The following HTRA4 variants were observed in gnomAD, a reference collection of about 807,000 sequenced individuals.
HTRA4 encodes the protein serine protease HTRA4.
HTRA4 carries 46 observed loss-of-function variants against 49.1 expected under a neutral mutation model. That is an observed-to-expected ratio of 0.94 (90% confidence interval 0.74 to 1.20). HTRA4 has a LOEUF of 1.20. Among genes scored for constraint, HTRA4 ranks in the 50% most tolerant of loss-of-function variants. The pLI, the probability that HTRA4 is intolerant of heterozygous loss-of-function variation, is 0.00. For synonymous variants in HTRA4, 261 were observed against 264.0 expected, an observed-to-expected ratio of 0.99 and a Z score of 0.11; for missense variants, 602 against 636.9, an observed-to-expected ratio of 0.95 and a Z score of 0.59.
intron 2 of HTRA4, among the ~76,000 whole-genome samples, chr8:38,976,036 T>C (rs1046601471): frequency 3.3e-5 from 5 of 152,216 alleles, no homozygotes; most frequent in African/African-American, 1.2e-4. Context: ...TCACAAGAGA[T>C]GGCTGGGGCC....
At chr8:38,978,202 C>T in intron 4 of HTRA4, 55 bp downstream of exon 4, 1 of 1,475,004 alleles carries the variant, frequency 6.8e-7, no homozygotes, top group Non-Finnish European at 9.2e-7. Context: ...CAGTACAGGT[C>T]CATGGCCTGT....
intron 8 of HTRA4, among the ~76,000 whole-genome samples, chr8:38,984,862 G>A (rs191871150): frequency 6.6e-6 from 1 of 152,282 alleles, no homozygotes; most frequent in African/African-American, 2.4e-5. Context: ...GCTGTAATGA[G>A]CTGTGCTCAT....
intron 8 of HTRA4, among the ~76,000 whole-genome samples, chr8:38,986,790 A>C (rs1036372598): frequency 6.6e-6 from 1 of 152,216 alleles, no homozygotes; most frequent in Non-Finnish European, 1.5e-5. Flanking sequence ...TAGTGGCAAG[A>C]AGATGGGTTC....
chr8:38,981,888 TC>T, intron 6 of HTRA4, 121 bp downstream of exon 6: 1 of 709,288 alleles, frequency 1.4e-6, no homozygotes, highest in Non-Finnish European at 2.4e-6. Context: ...TTGCTCGTCA[TC>T]CAGGTTGGAG....
At position 38,980,329 on chromosome 8, in the gene HTRA4, C is replaced by G. The variant is rs1028852025; in HGVS notation, c.999+1082C>G. ...GTCATTTTTCTTTGTTTTGTTCCTG[C>G]CTTCTCCATTAGACAATGAGTTTAC... On this transcript the variant is annotated intron_variant, in intron 5 of 8. Transcript: ENST00000302495. Among the ~76,000 whole-genome samples the G allele has an allele frequency of 2.0e-5, 3 of 151,426 alleles. No individual in the cohort carries two copies. In the East Asian group the frequency reaches 5.8e-4, roughly 29 times the overall value.
At chr8:38,981,063 G>GTTTTTTTTTTTTTTT (rs71216700) in intron 5 of HTRA4, among the ~76,000 whole-genome samples, 8 of 48,156 alleles carry the variant, frequency 1.7e-4, no homozygotes, top group African/African-American at 3.0e-4. Context: ...ATGAGCTTAA[G>GTTTTTTTTTTTTTTT]TTTTTTTTTT....
intron 8 of HTRA4, among the ~76,000 whole-genome samples, chr8:38,987,350 A>C (rs1201234063): frequency 6.6e-6 from 1 of 152,144 alleles, no homozygotes; most frequent in Non-Finnish European, 1.5e-5. Context: ...TTTGGAGAAA[A>C]GGAGCCTAGA....
intron 5 of HTRA4, among the ~76,000 whole-genome samples, chr8:38,981,131 G>A (rs953146708): frequency 7.4e-6 from 1 of 134,594 alleles, no homozygotes; most frequent in Admixed American, 8.1e-5. Flanking sequence ...CCAGGCCGGA[G>A]TGCAGTGGCG....
At chr8:38,978,339 C>G (rs777939462) in intron 4 of HTRA4, among the ~76,000 whole-genome samples, 192 bp downstream of exon 4, 1 of 152,148 alleles carries the variant, frequency 6.6e-6, no homozygotes, top group Non-Finnish European at 1.5e-5. Context: ...TTGTGAACTG[C>G]GCATGCAAGG....
intron 5 of HTRA4, among the ~76,000 whole-genome samples, chr8:38,981,107 T>C (rs1835417454): frequency 1.8e-5 from 2 of 108,312 alleles, no homozygotes; most frequent in South Asian, 6.7e-4. Context: ...TGAGACGGAG[T>C]CTCGCTAGGT....
At chr8:38,982,679 T>C in intron 7 of HTRA4, 124 bp downstream of exon 7, 1 of 849,478 alleles carries the variant, frequency 1.2e-6, no homozygotes, top group Non-Finnish European at 2.0e-6. Context: ...ATAGGCCCTA[T>C]CTGTCTCAGG....
rs1331481060 is a variant in HTRA4 at position 38,988,189 on chromosome 8, G to A, written c.*91G>A. 2.0e-5 allele frequency: 24 copies of A among 1,201,616 alleles called. No homozygotes were observed. Among genetic ancestry groups the A allele is most frequent in the Non-Finnish European group, 2.7e-5 (24 of 891,964 alleles). 74.4% of individuals were successfully genotyped at this position (1,201,616 alleles called of 1,614,324 possible). A position where few individuals can be genotyped will look rare whatever the true frequency, so the allele number is the denominator to read the frequency against. ...GGAGATGTGCCAAACATGGCAAGAA[G>A]TTTTTGGATCTTTTTCTTACAAAGA... On this transcript the variant is annotated 3_prime_UTR_variant, in exon 9 of 9. Transcript: ENST00000302495.
chr8:38,983,880 TAA>T (rs1321093657), intron 8 of HTRA4, among the ~76,000 whole-genome samples: 3 of 152,136 alleles, frequency 2.0e-5, no homozygotes, highest in Non-Finnish European at 4.4e-5. Flanking sequence ...GTTAATAGCA[TAA>T]GTTTAAATTA....
In HTRA4 at chr8:38,988,106, G is replaced by A; in HGVS notation, c.*8G>A. The A allele has an allele frequency of 6.7e-7, 1 of 1,502,042 alleles. No homozygotes were observed. The allele number at this position is 1,502,042 out of a possible 1,614,324, so 93.0% of individuals were successfully genotyped here. A position where few individuals can be genotyped will look rare whatever the true frequency, so the allele number is the denominator to read the frequency against. ...CCTGAAACAATCAATTAAATATCTTGTTTTAAAGTGGGATTATCTAAAAAA... is the reference window on the plus strand; with the variant it reads ...CCTGAAACAATCAATTAAATATCTTATTTTAAAGTGGGATTATCTAAAAAA... On this transcript the variant is annotated 3_prime_UTR_variant, in exon 9 of 9. Coordinates refer to ENST00000302495, the MANE Select transcript of HTRA4 (RefSeq NM_153692.4).
At chr8:38,974,915 T>A in intron 1 of HTRA4, 116 bp from the exon 2 acceptor site, 1 of 1,302,690 alleles carries the variant, frequency 7.7e-7, no homozygotes, top group Non-Finnish European at 1.1e-6. Context: ...GGCTGCTACG[T>A]GGTTTCTCCC....
At position 38,982,987 on chromosome 8, in the gene HTRA4, T is replaced by A. The variant is rs929545309; in HGVS notation, c.1207T>A (p.Phe403Ile). 1.2e-6 allele frequency: 2 copies of A among 1,613,652 alleles called. No individual in the cohort carries two copies. The highest frequency in any genetic ancestry group is 2.2e-5 in the East Asian group (1 of 44,874). Reference sequence around the variant, plus strand: ...AGAATTGAAAATGCATTATCCAGATTTCCCTGATGTGAGTTCTGGGGTTTA... The same window carrying A: ...AGAATTGAAAATGCATTATCCAGATATCCCTGATGTGAGTTCTGGGGTTTA... ...SEELKMHYPD[F>I]PDVSSGVYVC... The change falls in exon 8 of 9, where the codon TTC becomes ATC. Residue 403 changes from phenylalanine (F) to isoleucine (I), a missense_variant. Physicochemically the swap from Phe to Ile is conservative, Grantham distance 21. Coordinates refer to ENST00000302495, the MANE Select transcript of HTRA4 (RefSeq NM_153692.4).
At chr8:38,980,091 C>T (rs562001196) in intron 5 of HTRA4, among the ~76,000 whole-genome samples, 5 of 152,146 alleles carry the variant, frequency 3.3e-5, no homozygotes, top group Non-Finnish European at 5.9e-5. Context: ...AATTGTATTC[C>T]GTGTCTCTAG....
chr8:38,976,581 T>C lies in HTRA4; in HGVS notation c.613T>C (p.Phe205Leu). 6.2e-7 allele frequency: 1 copy of C among 1,614,140 alleles called. No individual in the cohort carries two copies. The highest frequency in any genetic ancestry group is 2.2e-5 in the East Asian group (1 of 44,888). The change falls in exon 3 of 9, where the codon TTC becomes CTC. Residue 205 changes from phenylalanine (F) to leucine (L), a missense_variant. Physicochemically the swap from Phe to Leu is conservative, Grantham distance 22. Coordinates refer to ENST00000302495, the MANE Select transcript of HTRA4 (RefSeq NM_153692.4). ...TGTTCCTGTGTACAGTGGCTCTGGG[T>C]TCATAGTGTCTGAGGACGGGCTCAT... is the stretch of plus-strand genomic sequence containing the variant. ...RLVPVYSGSGFIVSEDGLIIT... is the reference protein window; with the variant it reads ...RLVPVYSGSGLIVSEDGLIIT...
intron 5 of HTRA4, among the ~76,000 whole-genome samples, chr8:38,980,820 A>G (rs539925727): frequency 2.0e-5 from 3 of 152,148 alleles, no homozygotes; most frequent in Non-Finnish European, 1.5e-5. Context: ...AGGTACATAA[A>G]GAGGAAAATA....
Sources: gnomAD v4.1 joint callset for allele counts (sites outside exome capture counted in the v4.1 genomes callset) on GRCh38, gnomAD v4.1.1 for gene constraint, MANE v1.5 for transcripts, NCBI Gene and HGNC (gene_info 2026-07-23, HGNC 2026-07-21) for gene names.